The following TBC1D12 variants were observed in gnomAD, a reference collection of about 807,000 sequenced individuals.
TBC1D12 encodes the protein TBC1 domain family, member 12.
TBC1D12 carries 56 observed loss-of-function variants against 86.7 expected under a neutral mutation model. The ratio of observed to expected loss-of-function variants is 0.65; its 90% CI spans 0.52 to 0.81. The LOEUF (loss-of-function observed/expected upper bound fraction) is 0.81. TBC1D12 is among the 30% of genes least tolerant of loss of function. The probability of loss-of-function intolerance (pLI) is 0.00; values close to 1 mark genes in which losing one functional copy is unlikely to be tolerated. For missense variants in TBC1D12, 1,023 were observed against 1,038.8 expected (o/e 0.98, Z 0.21); for synonymous variants, 421 against 411.7 (o/e 1.02, Z -0.27).
At chr10:94,462,812 G>C (rs2055749957) in intron 2 of TBC1D12, among the ~76,000 whole-genome samples, 1 of 151,932 alleles carries the variant, frequency 6.6e-6, no homozygotes, top group South Asian at 2.1e-4. Context: ...TCATTCATCA[G>C]TTTTACTAGG....
intron 9 of TBC1D12, among the ~76,000 whole-genome samples, chr10:94,521,228 A>G (rs571313097): frequency 6.9e-6 from 1 of 145,000 alleles, no homozygotes; most frequent in African/African-American, 2.6e-5. Context: ...AACCAAAAAA[A>G]AAAAAAAAAC....
rs768343848 is a variant in TBC1D12, at chr10:94,507,363, T to C, written c.1600+16T>C. On this transcript the variant is annotated intron_variant, in intron 7 of 12. Coordinates refer to ENST00000225235, the MANE Select transcript of TBC1D12 (RefSeq NM_015188.2). ...GATACAGAAGGTGTGATTTCTTTTT[T>C]TAAATAAGAATTTTAGGATGAAAAT... 2.5e-6 allele frequency: 4 copies of C among 1,582,984 alleles called. No individual in the cohort carries two copies. The highest frequency in any genetic ancestry group is 3.4e-6 in the Non-Finnish European group (4 of 1,169,706).
intron 2 of TBC1D12, among the ~76,000 whole-genome samples, chr10:94,456,429 T>G (rs2055627718): frequency 6.6e-6 from 1 of 152,198 alleles, no homozygotes; most frequent in African/African-American, 2.4e-5. Context: ...CTTTGACACA[T>G]GTGTTATTTA....
chr10:94,526,163 G>T, intron 11 of TBC1D12, among the ~76,000 whole-genome samples: 1 of 152,156 alleles, frequency 6.6e-6, no homozygotes, highest in Non-Finnish European at 1.5e-5. Context: ...CCAGTGCGAT[G>T]GCTCATGCTC....
intron 3 of TBC1D12, among the ~76,000 whole-genome samples, chr10:94,478,295 A>T (rs986878693): frequency 6.6e-6 from 1 of 152,162 alleles, no homozygotes; most frequent in South Asian, 2.1e-4. Context: ...GAGATTGCAA[A>T]TGCAAAAGGG....
intron 3 of TBC1D12, among the ~76,000 whole-genome samples, chr10:94,490,574 CTG>C (rs1159361903): frequency 1.3e-5 from 2 of 152,132 alleles, no homozygotes; most frequent in East Asian, 3.8e-4. Context: ...CTTCACATCT[CTG>C]TTTTTATTGA....
At chr10:94,408,440 T>G (rs1242035369) in intron 1 of TBC1D12, among the ~76,000 whole-genome samples, 1 of 152,186 alleles carries the variant, frequency 6.6e-6, no homozygotes, top group Non-Finnish European at 1.5e-5. Flanking sequence ...GCTCTTTTAG[T>G]GATTTCTTTT....
At chr10:94,462,416 T>TAATC (rs1340304556) in intron 2 of TBC1D12, among the ~76,000 whole-genome samples, 1 of 152,186 alleles carries the variant, frequency 6.6e-6, no homozygotes, top group Non-Finnish European at 1.5e-5. Context: ...ATTCCAGTAG[T>TAATC]AATCCCCTTT....
chr10:94,474,846 C>A, intron 3 of TBC1D12, 63 bp downstream of exon 3: 1 of 1,428,308 alleles, frequency 7.0e-7, no homozygotes, highest in South Asian at 1.2e-5. Context: ...TAATTTTGTT[C>A]ACTATTTTAA....
chr10:94,523,725 G>T (rs1336617908), intron 11 of TBC1D12, among the ~76,000 whole-genome samples: 5 of 152,120 alleles, frequency 3.3e-5, no homozygotes, highest in African/African-American at 4.8e-5. Context: ...CACTTTGGGA[G>T]GCCAAGGCGG....
chr10:94,496,014 A>G (rs1219398190), intron 4 of TBC1D12, among the ~76,000 whole-genome samples: 1 of 151,864 alleles, frequency 6.6e-6, no homozygotes, highest in Admixed American at 6.6e-5. Context: ...GAGGCAGGAG[A>G]ATTGCTTGAT....
intron 2 of TBC1D12, among the ~76,000 whole-genome samples, chr10:94,467,459 C>T (rs1368262005): frequency 6.6e-5 from 10 of 152,008 alleles, no homozygotes; most frequent in African/African-American, 1.7e-4. Flanking sequence ...CTCGAACTTC[C>T]GACCTCAGGT....
At chr10:94,404,403 T>G (rs975192719) in intron 1 of TBC1D12, among the ~76,000 whole-genome samples, 1 of 152,148 alleles carries the variant, frequency 6.6e-6, no homozygotes, top group Non-Finnish European at 1.5e-5. Context: ...TCCAGCACTT[T>G]GGGAGGCTGA....
rs373749349 is a variant in TBC1D12, at chr10:94,500,223, G to A, written c.1415G>A (p.Arg472His). The change falls in exon 6 of 13, where the codon CGT (arginine) becomes CAT (histidine). Residue 472 changes from arginine to histidine, a missense_variant and splice_region_variant. By Grantham distance (29) the Arg-to-His change is conservative. Transcript: ENST00000225235. The part of the protein sequence containing the change: ...NEILPNWEVM[R>H]STRRVRELWW... Reference sequence around the variant, plus strand: ...TTTTTCTCCTCCTTTAATTCTAGGCGTAGTACAAGAAGAGTTCGAGAATTG... The same window carrying A: ...TTTTTCTCCTCCTTTAATTCTAGGCATAGTACAAGAAGAGTTCGAGAATTG... 3.9e-5 allele frequency: 63 copies of A among 1,612,184 alleles called. No homozygotes were observed. Among genetic ancestry groups the A allele is most frequent in the Non-Finnish European group, 4.7e-5 (56 of 1,179,348 alleles).
intron 6 of TBC1D12, 139 bp from the exon 7 acceptor site, chr10:94,507,128 G>A: frequency 1.4e-6 from 1 of 719,226 alleles, no homozygotes; most frequent in Non-Finnish European, 2.4e-6. Context: ...GTAGAATCAA[G>A]TACTTAGATT....
chr10:94,495,027 CTTT>C (rs34125941), intron 4 of TBC1D12, among the ~76,000 whole-genome samples: 1 of 140,368 alleles, frequency 7.1e-6, no homozygotes, highest in African/African-American at 2.6e-5. Flanking sequence ...ACACCCAGCT[CTTT>C]TTTTTTTTTT....
At chr10:94,476,924 G>A (rs2055997146) in intron 3 of TBC1D12, among the ~76,000 whole-genome samples, 1 of 152,032 alleles carries the variant, frequency 6.6e-6, no homozygotes, top group Non-Finnish European at 1.5e-5. Context: ...AGTCTTTGGT[G>A]ATTTCTTCAG....
At chr10:94,453,433 A>G (rs2055581870) in intron 2 of TBC1D12, among the ~76,000 whole-genome samples, 1 of 152,214 alleles carries the variant, frequency 6.6e-6, no homozygotes, top group African/African-American at 2.4e-5. Context: ...GAACACATTC[A>G]TATAACTTTT....
intron 2 of TBC1D12, among the ~76,000 whole-genome samples, chr10:94,448,126 TAATC>T (rs1172322598): frequency 1.3e-5 from 2 of 152,142 alleles, no homozygotes; most frequent in East Asian, 1.9e-4. Flanking sequence ...ACTGATTTCT[TAATC>T]AGAGAGTTTC....
Sources: allele counts gnomAD v4.1 joint callset (sites outside exome capture counted in the v4.1 genomes callset), GRCh38; gene constraint gnomAD v4.1.1; transcripts MANE v1.5; gene names NCBI Gene and HGNC (gene_info 2026-07-23, HGNC 2026-07-21).